The following GPC5 variants were observed in gnomAD, a reference collection of about 807,000 sequenced individuals.
GPC5 encodes glypican 5.
A neutral mutation model predicts 53.9 loss-of-function variants in GPC5; 47 were observed. The ratio of observed to expected loss-of-function variants is 0.87; its 90% CI spans 0.69 to 1.11. GPC5 has a LOEUF of 1.11. Among genes scored for constraint, GPC5 ranks in the 50% most tolerant of loss-of-function variants. GPC5 has a pLI of 0.00. For synonymous variants in GPC5, 286 were observed against 263.3 expected, an observed-to-expected ratio of 1.09 and a Z score of -0.84; for missense variants, 748 against 713.1, an observed-to-expected ratio of 1.05 and a Z score of -0.56.
chr13:91,820,888 G>A lies in GPC5; in HGVS notation c.1280+64468G>A, dbSNP rs1007292043. The stretch of plus-strand genomic sequence containing the variant: ...TGAGGCAGGAGAATGGCATGAACCC[G>A]GGAAGCGGAGCTTGCAGTGAGCTGA... On this transcript the variant is annotated intron_variant, in intron 5 of 7. Coordinates refer to ENST00000377067, the MANE Select transcript of GPC5 (RefSeq NM_004466.6). Among the ~76,000 whole-genome samples, 12 of 151,956 alleles carry A rather than the reference G, an allele frequency of 7.9e-5. No individual in the cohort carries two copies. The East Asian group carries it at 1.9e-3, about 24-fold the overall frequency.
chr13:91,523,001 T>C (rs933890603), intron 2 of GPC5, among the ~76,000 whole-genome samples: 2 of 152,214 alleles, frequency 1.3e-5, no homozygotes, highest in Non-Finnish European at 2.9e-5. Context: ...CTTTTTCAAA[T>C]GACATATCAT....
intron 2 of GPC5, among the ~76,000 whole-genome samples, chr13:91,628,238 G>A (rs960611935): frequency 1.4e-5 from 2 of 144,648 alleles, no homozygotes; most frequent in Non-Finnish European, 3.1e-5. Flanking sequence ...GCCTATTTAA[G>A]TGCTTTGTCC....
rs752130758 is a variant in GPC5, at chr13:92,708,857, C to CTTTTTTTTT, written c.1562-157390_1562-157382dup. On this transcript the variant is annotated intron_variant, in intron 7 of 7. Coordinates refer to ENST00000377067, the MANE Select transcript of GPC5 (RefSeq NM_004466.6). ...CTAGCAGCATCTAGCTGGAAACCGC[C>CTTTTTTTTT]TTTTTTTTTTTTTTTTTTTTTTTTT... is the stretch of plus-strand genomic sequence containing the variant. 4.7e-3 allele frequency among the ~76,000 whole-genome samples: 226 copies of CTTTTTTTTT among 48,184 alleles called. 74 individuals are homozygous for CTTTTTTTTT. The highest frequency in any genetic ancestry group is 7.6e-3 in the Non-Finnish European group (184 of 24,284). The allele number at this position is 48,184 out of a possible 152,430, so 31.6% of individuals were successfully genotyped here.
intron 7 of GPC5, among the ~76,000 whole-genome samples, chr13:92,700,255 ATT>A (rs36058737): frequency 0.055 from 5,702 of 103,606 alleles, 269 homozygotes; most frequent in East Asian, 0.26. Flanking sequence ...CAACCCCTGC[ATT>A]TTTTTTTTTT....
intron 7 of GPC5, among the ~76,000 whole-genome samples, chr13:92,178,122 A>G (rs2042121405): frequency 6.6e-6 from 1 of 152,182 alleles, no homozygotes; most frequent in Non-Finnish European, 1.5e-5. Flanking sequence ...GATGCCGCAA[A>G]GGGAAGCTTA....
intron 7 of GPC5, among the ~76,000 whole-genome samples, chr13:92,554,841 C>T (rs892153830): frequency 1.3e-5 from 2 of 150,374 alleles, no homozygotes; most frequent in Non-Finnish European, 3.0e-5. Context: ...ACTTACAAGG[C>T]AAAGAAATTT....
At chr13:92,151,589 G>T (rs2138993252) in intron 7 of GPC5, among the ~76,000 whole-genome samples, 1 of 152,230 alleles carries the variant, frequency 6.6e-6, no homozygotes, top group Non-Finnish European at 1.5e-5. Flanking sequence ...ATTATTTTTA[G>T]CATGAGGTTT....
At chr13:91,843,889 A>T (rs2038818982) in intron 5 of GPC5, among the ~76,000 whole-genome samples, 1 of 152,214 alleles carries the variant, frequency 6.6e-6, no homozygotes. Context: ...ATGAAGGATT[A>T]AAGATGAATG....
In GPC5 at chr13:92,765,797, G is replaced by A. The variant is rs187975668; in HGVS notation, c.1562-100485G>A. 1.2e-4 allele frequency among the ~76,000 whole-genome samples: 18 copies of A among 152,162 alleles called. No homozygotes were observed. In the East Asian group the frequency reaches 3.3e-3, roughly 28 times the overall value. ...ACTAGGTCAGAAAACCTTTTAAGGG[G>A]CCAGATAGTAATATTTTAGGCTGTA... On this transcript the variant is annotated intron_variant, in intron 7 of 7. Coordinates refer to ENST00000377067, the MANE Select transcript of GPC5 (RefSeq NM_004466.6).
intron 6 of GPC5, among the ~76,000 whole-genome samples, chr13:92,052,319 G>C (rs979262506): frequency 6.6e-6 from 1 of 152,156 alleles, no homozygotes; most frequent in Non-Finnish European, 1.5e-5. Flanking sequence ...TGAAGCCATG[G>C]ACCTTCGCAG....
chr13:91,601,753 G>GC (rs1266597985), intron 2 of GPC5, among the ~76,000 whole-genome samples: 1 of 152,062 alleles, frequency 6.6e-6, no homozygotes, highest in African/African-American at 2.4e-5. Flanking sequence ...CAAGCTCAGG[G>GC]CTCCCACTGA....
intron 5 of GPC5, among the ~76,000 whole-genome samples, chr13:91,872,852 G>A (rs938327570): frequency 3.3e-5 from 5 of 152,142 alleles, no homozygotes; most frequent in African/African-American, 1.2e-4. Flanking sequence ...TGGTACTGCA[G>A]TGGTGTTTTA....
chr13:92,110,679 T>C (rs1421676717), intron 6 of GPC5, among the ~76,000 whole-genome samples: 1 of 152,218 alleles, frequency 6.6e-6, no homozygotes, highest in African/African-American at 2.4e-5. Context: ...CTCATTTTAG[T>C]TCTCTAAGGC....
chr13:91,711,018 A>C (rs763741036), intron 3 of GPC5, among the ~76,000 whole-genome samples: 2 of 152,220 alleles, frequency 1.3e-5, no homozygotes, highest in Non-Finnish European at 2.9e-5. Flanking sequence ...AGTGTAAATT[A>C]GTTCACCATT....
intron 1 of GPC5, among the ~76,000 whole-genome samples, chr13:91,414,877 G>A (rs971653784): frequency 1.3e-5 from 2 of 152,134 alleles, no homozygotes; most frequent in African/African-American, 4.8e-5. Context: ...TCTTAGAAAA[G>A]CTGTGCAAGT....
At chr13:92,145,339 A>G (rs1039558421) in intron 7 of GPC5, among the ~76,000 whole-genome samples, 2 of 152,200 alleles carry the variant, frequency 1.3e-5, no homozygotes, top group African/African-American at 4.8e-5. Flanking sequence ...TAATAATCAA[A>G]TTGTGCAATT....
At chr13:92,573,704 A>C (rs977712679) in intron 7 of GPC5, among the ~76,000 whole-genome samples, 1 of 152,082 alleles carries the variant, frequency 6.6e-6, no homozygotes, top group African/African-American at 2.4e-5. Context: ...AAGACAACTG[A>C]TCATAGCTCC....
chr13:92,798,719 A>C (rs1461723907), intron 7 of GPC5, among the ~76,000 whole-genome samples: 6 of 151,884 alleles, frequency 4.0e-5, no homozygotes, highest in African/African-American at 1.4e-4. Flanking sequence ...CTTTCAAATC[A>C]GGCTGTTGCA....
At chr13:92,246,854 A>G (rs937645779) in intron 7 of GPC5, among the ~76,000 whole-genome samples, 9 of 152,172 alleles carry the variant, frequency 5.9e-5, no homozygotes, top group African/African-American at 2.2e-4. Flanking sequence ...AAATTAGTTA[A>G]TTATAAGAGA....
Sources: allele counts gnomAD v4.1 joint callset (sites outside exome capture counted in the v4.1 genomes callset), GRCh38; gene constraint gnomAD v4.1.1; transcripts MANE v1.5; gene names NCBI Gene and HGNC (gene_info 2026-07-23, HGNC 2026-07-21).